Variants in LAMC1 observed in about 807,000 individuals in gnomAD.
LAMC1 encodes laminin subunit gamma 1.
A neutral mutation model predicts 173.6 loss-of-function variants in LAMC1; 38 were observed. That is an observed-to-expected ratio of 0.22 (90% CI 0.17 to 0.29). LAMC1 has a LOEUF of 0.29. Among genes scored for constraint, LAMC1 ranks in the 10% least tolerant of loss-of-function variants. The pLI, the probability that LAMC1 is intolerant of heterozygous loss-of-function variation, is 1.00. For synonymous variants in LAMC1, 746 were observed against 749.1 expected (o/e 1.00, Z 0.07); for missense variants, 1,824 against 2,051.8 (o/e 0.89, Z 2.14).
At chr1:183,085,888 C>T (rs989282192) in intron 1 of LAMC1, among the ~76,000 whole-genome samples, 3 of 152,008 alleles carry the variant, frequency 2.0e-5, no homozygotes. Context: ...TCTTTTTCTC[C>T]TTCTCATATA....
rs1308353713 is a variant in LAMC1 at position 183,105,468 on chromosome 1, G to A, written c.723+1836G>A. ...GCAGTGATACAAAGTTGTAACTGTG[G>A]TTTTCTGGCACCTTTGCTAACTGTA... On this transcript the variant is annotated intron_variant, in intron 2 of 27. Coordinates refer to ENST00000258341, the MANE Select transcript of LAMC1 (RefSeq NM_002293.4). 3.3e-5 allele frequency among the ~76,000 whole-genome samples: 5 copies of A among 152,154 alleles called. No homozygotes were observed. The South Asian group carries it at 8.3e-4, about 25-fold the overall frequency.
At chr1:183,060,323 CAGG>C (rs765936163) in intron 1 of LAMC1, among the ~76,000 whole-genome samples, 15 of 150,918 alleles carry the variant, frequency 9.9e-5, no homozygotes, top group Non-Finnish European at 2.2e-4. Context: ...GAGGCTGAGG[CAGG>C]AGGATTGCTT....
At chr1:183,063,878 C>T (rs564758898) in intron 1 of LAMC1, among the ~76,000 whole-genome samples, 2 of 152,278 alleles carry the variant, frequency 1.3e-5, no homozygotes, top group South Asian at 2.1e-4. Flanking sequence ...GCTCATCCAT[C>T]GTAATTGATA....
At chr1:183,106,815 C>T (rs1461550488) in intron 2 of LAMC1, among the ~76,000 whole-genome samples, 2 of 152,106 alleles carry the variant, frequency 1.3e-5, no homozygotes, top group Non-Finnish European at 2.9e-5. Flanking sequence ...GAAGCTTGAC[C>T]AGGATTTACA....
At chr1:183,102,342 CTG>C (rs1457077919) in intron 1 of LAMC1, among the ~76,000 whole-genome samples, 1 of 152,212 alleles carries the variant, frequency 6.6e-6, no homozygotes, top group Non-Finnish European at 1.5e-5. Context: ...ACAGGGATCT[CTG>C]TGTCTTCACA....
chr1:183,111,073 C>G (rs1656134780), intron 4 of LAMC1, among the ~76,000 whole-genome samples: 1 of 151,270 alleles, frequency 6.6e-6, no homozygotes, highest in Non-Finnish European at 1.5e-5. Flanking sequence ...GAGGGCCATT[C>G]CAAGATTATT....
Position 183,122,175 on chromosome 1 carries a change from T to C in LAMC1, c.2325T>C (p.Cys775=). 1 of 1,614,216 alleles carries C rather than the reference T, an allele frequency of 6.2e-7. No homozygotes were observed. The highest frequency in any genetic ancestry group is 8.5e-7 in the Non-Finnish European group (1 of 1,180,042). Reference sequence around the variant, plus strand: ...CCTCCGATTGCCAACCCTGTCCGTGTCCTGGAGGTTCAAGTTGTGCTGTTG... The same window carrying C: ...CCTCCGATTGCCAACCCTGTCCGTGCCCTGGAGGTTCAAGTTGTGCTGTTG... ...GTSSDCQPCP[C]PGGSSCAVVP... Residue 775 remains cysteine, a synonymous_variant, in exon 13 of 28, where the codon TGT becomes TGC. Transcript: ENST00000258341.
chr1:183,088,155 T>C (rs186328406), intron 1 of LAMC1, among the ~76,000 whole-genome samples: 5 of 152,362 alleles, frequency 3.3e-5, no homozygotes, highest in Admixed American at 1.3e-4. Context: ...ACAAAGGTTT[T>C]CTTTTAATGT....
rs376094801 is a variant in LAMC1, at chr1:183,064,634, G to A, written c.419-38694G>A. On this transcript the variant is annotated intron_variant, in intron 1 of 27. Transcript: ENST00000258341. ...TGGGTTAAATCAAGGAATGAAGTTT[G>A]TAAAGCAAAAATTGTAAGGGGCACC... 9.7e-4 allele frequency among the ~76,000 whole-genome samples: 148 copies of A among 152,208 alleles called. 1 individual carries two copies. In the Middle Eastern group the frequency reaches 0.024, roughly 24 times the overall value.
In LAMC1 at chr1:183,133,455, C is replaced by G. The variant is rs931141436; in HGVS notation, c.3754C>G (p.Arg1252Gly). The change falls in exon 22 of 28, where the codon CGA (arginine) becomes GGA (glycine). Residue 1252 changes from arginine to glycine, a missense_variant. Transcript: ENST00000258341. ...ISQDLEKQAARVHEEAKRAGD... is the reference protein window; with the variant it reads ...ISQDLEKQAAGVHEEAKRAGD... ...ACAGGATCTGGAAAAACAAGCTGCC[C>G]GAGTACATGAGGAGGCCAAAAGGGC... The G allele has an allele frequency of 2.6e-5, 42 of 1,613,708 alleles. No homozygotes were observed. The highest frequency in any genetic ancestry group is 3.6e-5 in the Non-Finnish European group (42 of 1,179,858).
intron 1 of LAMC1, among the ~76,000 whole-genome samples, chr1:183,076,508 A>G (rs1183896841): frequency 1.3e-5 from 2 of 152,190 alleles, no homozygotes; most frequent in Admixed American, 6.5e-5. Flanking sequence ...CTTCTTTACC[A>G]TCTTTGTCCA....
chr1:183,110,382 C>T (rs1656110024), intron 3 of LAMC1, 106 bp from the exon 4 acceptor site: 4 of 831,706 alleles, frequency 4.8e-6, no homozygotes, highest in Non-Finnish European at 5.6e-6. Context: ...CCCCAGTTTA[C>T]ACTTTTGAAT....
rs1302870167 is a variant in LAMC1, at chr1:183,143,950, C to G, written c.*1160C>G. The G allele has an allele frequency of 6.6e-6, 1 of 152,218 alleles. No homozygotes were observed. The highest frequency in any genetic ancestry group is 1.5e-5 in the Non-Finnish European group (1 of 68,042). 9.4% of individuals were successfully genotyped at this position (152,218 alleles called of 1,614,324 possible). A position where few individuals can be genotyped will look rare whatever the true frequency, so the allele number is the denominator to read the frequency against. ...GCCAAATCCTGGTGGCAAATACTTGCACTCAGTATTTCACACAGCTGCCAA... is the reference window on the plus strand; with the variant it reads ...GCCAAATCCTGGTGGCAAATACTTGGACTCAGTATTTCACACAGCTGCCAA... On this transcript the variant is annotated 3_prime_UTR_variant, in exon 28 of 28. Transcript: ENST00000258341.
intron 1 of LAMC1, among the ~76,000 whole-genome samples, chr1:183,046,240 G>A (rs1313318952): frequency 6.6e-6 from 1 of 151,984 alleles, no homozygotes; most frequent in African/African-American, 2.4e-5. Context: ...CGATTCATGT[G>A]CATTGTCTTT....
chr1:183,048,353 C>G (rs1352364561), intron 1 of LAMC1, among the ~76,000 whole-genome samples: 2 of 152,138 alleles, frequency 1.3e-5, no homozygotes, highest in African/African-American at 4.8e-5. Flanking sequence ...TTAAAATGTC[C>G]TCTTTATCTT....
chr1:183,128,502 G>T, intron 17 of LAMC1, 92 bp from the exon 18 acceptor site: 4 of 942,858 alleles, frequency 4.2e-6, no homozygotes, highest in South Asian at 4.4e-5. Flanking sequence ...CATATTCATG[G>T]AGTGCCCATG....
At chr1:183,031,034 G>A (rs1558026783) in intron 1 of LAMC1, among the ~76,000 whole-genome samples, 1 of 152,138 alleles carries the variant, frequency 6.6e-6, no homozygotes, top group Non-Finnish European at 1.5e-5. Context: ...CATGTACATT[G>A]TTGAAATAGA....
chr1:183,045,297 A>C (rs1654239066), intron 1 of LAMC1, among the ~76,000 whole-genome samples: 1 of 152,094 alleles, frequency 6.6e-6, no homozygotes, highest in Admixed American at 6.6e-5. Flanking sequence ...CATATGAAGT[A>C]GATTAGTAAC....
chr1:183,127,303 G>T lies in LAMC1; in HGVS notation c.3022G>T (p.Val1008Leu). The T allele has an allele frequency of 6.2e-7, 1 of 1,614,210 alleles. No individual in the cohort carries two copies. Among genetic ancestry groups the T allele is most frequent in the Non-Finnish European group, 8.5e-7 (1 of 1,180,036 alleles). The change falls in exon 17 of 28, where the codon GTG becomes TTG. Residue 1008 changes from valine (V) to leucine (L), a missense_variant. Transcript: ENST00000258341. Reference sequence around the variant, plus strand: ...TCGCTGTGAATGCAGAGAAGGCTTTGTGGGAAATCGCTGTGACCAGTGTGA... The same window carrying T: ...TCGCTGTGAATGCAGAGAAGGCTTTTTGGGAAATCGCTGTGACCAGTGTGA... ...DGRCECREGF[V>L]GNRCDQCEEN...
Sources: allele counts gnomAD v4.1 joint callset (sites outside exome capture counted in the v4.1 genomes callset), GRCh38; gene constraint gnomAD v4.1.1; transcripts MANE v1.5; gene names NCBI Gene and HGNC (gene_info 2026-07-23, HGNC 2026-07-21).